PRDM5: variants seen among roughly 807,000 people sequenced by gnomAD.
PRDM5 encodes PR/SET domain 5.
Under a neutral mutation model 81.2 loss-of-function variants are expected in PRDM5, and 56 were observed. That is an observed-to-expected ratio of 0.69 (90% CI 0.56 to 0.86). PRDM5 has a LOEUF of 0.86. PRDM5 is among the 40% of genes least tolerant of loss of function. The probability of loss-of-function intolerance (pLI) is 0.00; values close to 1 mark genes in which losing one functional copy is unlikely to be tolerated. For synonymous variants in PRDM5, 267 were observed against 256.4 expected (o/e 1.04, Z -0.39); for missense variants, 697 against 770.1 (o/e 0.91, Z 1.12).
At position 120,770,246 on chromosome 4, in the gene PRDM5, C is replaced by T. The variant is rs11940605; in HGVS notation, c.1537+6942G>A. Among the ~76,000 whole-genome samples, 1,080 of 152,206 alleles carry T rather than the reference C, an allele frequency of 7.1e-3. 15 individuals carry two copies. The highest frequency in any genetic ancestry group is 0.025 in the African/African-American group (1,030 of 41,516). On this transcript the variant is annotated intron_variant, in intron 13 of 15. Transcript: ENST00000264808. ...GTTTCGCCATGTTGGCCAGGCTGGT[C>T]TCAAACTCCTGACCTCAGGTGATCT... is the stretch of plus-strand genomic sequence containing the variant.
intron 1 of PRDM5, among the ~76,000 whole-genome samples, chr4:120,686,828 A>C (rs1467490036): frequency 6.6e-6 from 1 of 151,966 alleles, no homozygotes; most frequent in African/African-American, 2.4e-5. Flanking sequence ...CAGATACAAA[A>C]ATTTATATTA....
At chr4:120,863,593 C>T (rs1307640662) in intron 2 of PRDM5, among the ~76,000 whole-genome samples, 2 of 151,928 alleles carry the variant, frequency 1.3e-5, no homozygotes, top group African/African-American at 4.8e-5. Context: ...CATACCAATT[C>T]AACCAAAGCA....
chr4:120,739,622 G>A (rs1159972160), intron 14 of PRDM5, among the ~76,000 whole-genome samples: 2 of 151,732 alleles, frequency 1.3e-5, no homozygotes, highest in African/African-American at 2.4e-5. Flanking sequence ...TTTTCCTATG[G>A]GATAATTAAC....
rs1553997193 is a variant in PRDM5, at chr4:120,863,191, T to TATATACACACACAC, written c.178-9652_178-9651insGTGTGTGTGTATAT. Reference sequence around the variant, plus strand: ...AAAAAAAAAAATATATATATATATATACACACACACACACACACACACACA... The same window carrying TATATACACACACAC: ...AAAAAAAAAAATATATATATATATATATATACACACACACACACACACACACACACACACACACA... On this transcript the variant is annotated intron_variant, in intron 2 of 15. Transcript: ENST00000264808. Among the ~76,000 whole-genome samples, 48 of 70,310 alleles carry TATATACACACACAC rather than the reference T, an allele frequency of 6.8e-4. No homozygotes were observed. In the East Asian group the frequency reaches 7.8e-3, roughly 11 times the overall value. 46.1% of individuals were successfully genotyped at this position (70,310 alleles called of 152,430 possible). A position where few individuals can be genotyped will look rare whatever the true frequency, so the allele number is the denominator to read the frequency against.
intron 2 of PRDM5, among the ~76,000 whole-genome samples, chr4:120,883,559 A>G (rs1232106191): frequency 7.3e-6 from 1 of 137,542 alleles, no homozygotes; most frequent in Non-Finnish European, 1.5e-5. Flanking sequence ...AGGAAGGGCA[A>G]CATCACACAC....
chr4:120,699,796 G>T (rs1488720370), intron 15 of PRDM5, among the ~76,000 whole-genome samples: 1 of 152,110 alleles, frequency 6.6e-6, no homozygotes, highest in Non-Finnish European at 1.5e-5. Flanking sequence ...AATATTTCAT[G>T]CTTAGAGATT....
chr4:120,742,069 A>C (rs1156301982), intron 14 of PRDM5, among the ~76,000 whole-genome samples: 1 of 152,226 alleles, frequency 6.6e-6, no homozygotes, highest in Non-Finnish European at 1.5e-5. Context: ...CCCAGTACGC[A>C]GCTGGAGATC....
intron 10 of PRDM5, among the ~76,000 whole-genome samples, chr4:120,789,323 T>C (rs1750235507): frequency 6.6e-6 from 1 of 152,182 alleles, no homozygotes; most frequent in South Asian, 2.1e-4. Context: ...GATTAATACA[T>C]TTCTAGCCAC....
At chr4:120,787,923 G>A (rs12509993) in intron 10 of PRDM5, among the ~76,000 whole-genome samples, 30,287 of 152,012 alleles carry the variant, frequency 0.2, 3,672 homozygotes, top group Non-Finnish European at 0.28. Context: ...ATATGATAAA[G>A]GAATGAAAAA....
At chr4:120,848,142 T>C (rs997304009) in intron 3 of PRDM5, among the ~76,000 whole-genome samples, 1 of 152,168 alleles carries the variant, frequency 6.6e-6, no homozygotes, top group Non-Finnish European at 1.5e-5. Context: ...ATGATCTGTA[T>C]ATGAAGAAGA....
chr4:120,766,364 G>A (rs934716149), intron 13 of PRDM5, among the ~76,000 whole-genome samples: 2 of 152,200 alleles, frequency 1.3e-5, no homozygotes, highest in Non-Finnish European at 2.9e-5. Flanking sequence ...AATGGAGTTT[G>A]AAGCCCATAA....
chr4:120,849,832 TG>T (rs1419982880), intron 3 of PRDM5, among the ~76,000 whole-genome samples: 2 of 152,176 alleles, frequency 1.3e-5, no homozygotes, highest in African/African-American at 4.8e-5. Flanking sequence ...CCACTTCCTA[TG>T]GAGCTTAAGG....
chr4:120,749,289 G>GT (rs1444703939), intron 14 of PRDM5, among the ~76,000 whole-genome samples: 6 of 152,176 alleles, frequency 3.9e-5, no homozygotes, highest in Admixed American at 2.0e-4. Flanking sequence ...AAGAAAACAA[G>GT]TGATGGTTAA....
At chr4:120,888,092 G>A (rs1309304525) in intron 2 of PRDM5, among the ~76,000 whole-genome samples, 1 of 151,948 alleles carries the variant, frequency 6.6e-6, no homozygotes, top group Non-Finnish European at 1.5e-5. Flanking sequence ...GCGCCCGGCC[G>A]ACATTTTATC....
At chr4:120,779,571 A>G (rs934296032) in intron 12 of PRDM5, among the ~76,000 whole-genome samples, 3 of 152,180 alleles carry the variant, frequency 2.0e-5, no homozygotes, top group African/African-American at 7.2e-5. Context: ...CATATGCCCT[A>G]GATGTGATTA....
chr4:120,811,325 A>T (rs1228250950), intron 8 of PRDM5, 45 bp downstream of exon 8: 1 of 1,248,796 alleles, frequency 8.0e-7, no homozygotes, highest in South Asian at 1.4e-5. Flanking sequence ...TATTAAAATT[A>T]TTAAAGATAG....
intron 3 of PRDM5, 41 bp downstream of exon 3, chr4:120,853,377 C>G: frequency 6.2e-7 from 1 of 1,613,104 alleles, no homozygotes; most frequent in Non-Finnish European, 8.5e-7. Context: ...ATTCATCCCC[C>G]CTCACAGTGC....
At chr4:120,806,964 A>G (rs1239829376) in intron 8 of PRDM5, among the ~76,000 whole-genome samples, 4 of 152,252 alleles carry the variant, frequency 2.6e-5, no homozygotes, top group Non-Finnish European at 5.9e-5. Context: ...ACAAAGGGCT[A>G]ATATCCAGAA....
At chr4:120,775,009 C>A (rs546677451) in intron 13 of PRDM5, among the ~76,000 whole-genome samples, 9 of 149,482 alleles carry the variant, frequency 6.0e-5, no homozygotes, top group Non-Finnish European at 1.3e-4. Flanking sequence ...TATACACAAA[C>A]ACATATATAT....
Sources: gnomAD v4.1 joint callset for allele counts (sites outside exome capture counted in the v4.1 genomes callset) on GRCh38, gnomAD v4.1.1 for gene constraint, MANE v1.5 for transcripts, NCBI Gene and HGNC (gene_info 2026-07-23, HGNC 2026-07-21) for gene names.